Variants in MAST4 observed in about 807,000 individuals in gnomAD.
MAST4 encodes microtubule-associated serine/threonine-protein kinase 4.
MAST4 carries 89 observed loss-of-function variants against 162.7 expected under a neutral mutation model. The ratio of observed to expected loss-of-function variants is 0.55; its 90% CI spans 0.46 to 0.65. The LOEUF is 0.65. Among genes scored for constraint, MAST4 ranks in the 30% least tolerant of loss-of-function variants. The probability of loss-of-function intolerance (pLI) is 0.00; values close to 1 mark genes in which losing one functional copy is unlikely to be tolerated. For missense variants in MAST4, 3,153 were observed against 3,374.0 expected (o/e 0.93, Z 1.62); for synonymous variants, 1,479 against 1,361.1 (o/e 1.09, Z -1.91).
intron 3 of MAST4, among the ~76,000 whole-genome samples, chr5:66,834,519 G>A (rs75133495): frequency 0.011 from 1,677 of 152,314 alleles, 33 homozygotes; most frequent in African/African-American, 0.038. Flanking sequence ...CCAGCATGGG[G>A]TGGAGAGTAG....
chr5:66,854,326 A>C (rs1029806419), intron 3 of MAST4, among the ~76,000 whole-genome samples: 1 of 152,214 alleles, frequency 6.6e-6, no homozygotes, highest in African/African-American at 2.4e-5. Context: ...CTGGTTATCT[A>C]TGGAGTTGTG....
At chr5:66,688,440 C>T (rs1748832416) in intron 1 of MAST4, among the ~76,000 whole-genome samples, 1 of 152,168 alleles carries the variant, frequency 6.6e-6, no homozygotes, top group South Asian at 2.1e-4. Flanking sequence ...TGAACTGAGC[C>T]TTATTAGGCA....
chr5:66,607,139 T>A (rs1238403090), intron 1 of MAST4, among the ~76,000 whole-genome samples: 1 of 152,036 alleles, frequency 6.6e-6, no homozygotes, highest in Non-Finnish European at 1.5e-5. Flanking sequence ...TTTGAGGAGA[T>A]CATCAAGCCT....
intron 3 of MAST4, among the ~76,000 whole-genome samples, chr5:66,852,671 T>C (rs1403836772): frequency 1.3e-5 from 2 of 152,076 alleles, no homozygotes; most frequent in South Asian, 2.1e-4. Flanking sequence ...GCTACATTTT[T>C]CCCCCAAATT....
At chr5:66,977,213 G>A (rs1748257661) in intron 4 of MAST4, among the ~76,000 whole-genome samples, 1 of 152,130 alleles carries the variant, frequency 6.6e-6, no homozygotes, top group Non-Finnish European at 1.5e-5. Context: ...CGATTCTTCT[G>A]CCCCAGCCTC....
chr5:66,718,322 TATG>T (rs1410583304), intron 1 of MAST4, among the ~76,000 whole-genome samples: 1 of 152,120 alleles, frequency 6.6e-6, no homozygotes, highest in Non-Finnish European at 1.5e-5. Context: ...ATGATTAAGT[TATG>T]ATGTCATCTT....
chr5:67,120,915 C>T (rs904492196), intron 13 of MAST4, 102 bp from the exon 14 acceptor site: 15 of 822,758 alleles, frequency 1.8e-5, no homozygotes, highest in Non-Finnish European at 2.9e-5. Context: ...TGTACTTCAA[C>T]ATATTACATA....
At position 67,165,479 on chromosome 5, in the gene MAST4, G is replaced by C. The variant is rs780578092; in HGVS notation, c.6300G>C (p.Glu2100Asp). The stretch of plus-strand genomic sequence containing the variant: ...TGCAGCCACCTGGAATTGAGAGTGA[G>C]AAGAGTGAAAAGCTCTCCAGTTTCC... ...RSLQPPGIES[E>D]KSEKLSSFPS... Residue 2100 changes from glutamate (E) to aspartate (D), a missense_variant, in exon 29 of 29, where the codon GAG becomes GAC. This residue lies in a region of MAST4 where 1,644 missense variants were observed against 1,495.0 expected (regional missense o/e 1.10). Transcript: ENST00000403625. 6.2e-7 allele frequency: 1 copy of C among 1,613,966 alleles called. No homozygotes were observed.
rs1774112115 is a variant in MAST4 at position 67,166,976 on chromosome 5, T to C, written c.7797T>C (p.Asn2599=). The C allele has an allele frequency of 6.2e-7, 1 of 1,612,498 alleles. No individual in the cohort carries two copies. The highest frequency in any genetic ancestry group is 2.2e-5 in the East Asian group (1 of 44,862). ...CTGACCGCCCCATCTCTCTTTCTAA[T>C]GAGAAGGACTTTGTGGTACGGCAGA... ...PNTDRPISLS[N]EKDFVVRQRR... is the part of the protein sequence containing the mutation. Residue 2599 remains asparagine (N), a synonymous_variant, in exon 29 of 29, where the codon AAT becomes AAC. Coordinates refer to ENST00000403625, the MANE Select transcript of MAST4 (RefSeq NM_001164664.2).
At chr5:66,803,037 C>G (rs1335543634) in intron 3 of MAST4, among the ~76,000 whole-genome samples, 1 of 152,158 alleles carries the variant, frequency 6.6e-6, no homozygotes, top group African/African-American at 2.4e-5. Flanking sequence ...AATTCTAGTA[C>G]TGACGTTTCT....
chr5:66,881,843 G>A (rs537644549), intron 3 of MAST4, among the ~76,000 whole-genome samples: 22 of 152,044 alleles, frequency 1.4e-4, no homozygotes, highest in Non-Finnish European at 2.2e-4. Flanking sequence ...CCCCTTACCC[G>A]TCAGGCAAAA....
At chr5:66,897,301 G>C (rs191110109) in intron 3 of MAST4, among the ~76,000 whole-genome samples, 15 of 152,096 alleles carry the variant, frequency 9.9e-5, no homozygotes, top group African/African-American at 3.6e-4. Context: ...CTAAGTATGT[G>C]TTAGTGACCT....
Position 67,142,461 on chromosome 5 carries a change from A to C in MAST4, c.2658A>C (p.Glu886Asp), listed in dbSNP as rs377161779. The change falls in exon 21 of 29, where the codon GAA (glutamate) becomes GAC (aspartate). Residue 886 changes from glutamate (E) to aspartate (D), a missense_variant. By Grantham distance (45) the Glu-to-Asp change is conservative. Around this residue, in one of 7 missense-constraint regions of MAST4, gnomAD observed 619 missense variants for 744.2 expected, o/e 0.83. Coordinates refer to ENST00000403625, the MANE Select transcript of MAST4 (RefSeq NM_001164664.2). ...EKYHHMETEE[E>D]DDTNDEDFNV... ...ATCATCATATGGAAACGGAGGAAGA[A>C]GATGACACAAATGATGAAGACTTTA... 4.1e-5 allele frequency: 66 copies of C among 1,601,274 alleles called. No homozygotes were observed. Among genetic ancestry groups the C allele is most frequent in the Non-Finnish European group, 5.5e-5 (64 of 1,173,490 alleles).
chr5:67,043,318 T>C (rs901909386), intron 4 of MAST4, among the ~76,000 whole-genome samples: 10 of 152,210 alleles, frequency 6.6e-5, no homozygotes, highest in African/African-American at 2.4e-4. Context: ...TTAGTTGCTA[T>C]GTGTATATTC....
intron 3 of MAST4, among the ~76,000 whole-genome samples, chr5:66,834,807 C>G (rs966252983): frequency 1.3e-5 from 2 of 152,190 alleles, no homozygotes; most frequent in Admixed American, 1.3e-4. Flanking sequence ...TCATCGCCTT[C>G]CATTTTAGTA....
intron 15 of MAST4, 80 bp from the exon 16 acceptor site, chr5:67,131,733 C>A: frequency 6.9e-7 from 1 of 1,441,884 alleles, no homozygotes; most frequent in Non-Finnish European, 9.6e-7. Context: ...ATGATTTCAC[C>A]TTGAAATTCT....
At chr5:66,862,752 T>C (rs952243665) in intron 3 of MAST4, among the ~76,000 whole-genome samples, 1 of 152,232 alleles carries the variant, frequency 6.6e-6, no homozygotes, top group Non-Finnish European at 1.5e-5. Context: ...TTTTTGATCT[T>C]TGTCAAATTG....
At chr5:66,904,237 G>T (rs2149990972) in intron 4 of MAST4, among the ~76,000 whole-genome samples, 1 of 152,238 alleles carries the variant, frequency 6.6e-6, no homozygotes, top group East Asian at 1.9e-4. Flanking sequence ...CAAAACCAAG[G>T]TGTCCCTGGC....
At chr5:67,094,867 A>G (rs1444413283) in intron 6 of MAST4, among the ~76,000 whole-genome samples, 4 of 152,118 alleles carry the variant, frequency 2.6e-5, no homozygotes, top group South Asian at 2.1e-4. Flanking sequence ...GAGGCAAACA[A>G]CTTTACTCTT....
Sources: gnomAD v4.1 joint callset for allele counts (sites outside exome capture counted in the v4.1 genomes callset) on GRCh38, gnomAD v4.1.1 for gene constraint, gnomAD v4.1.1 regional missense constraint, MANE v1.5 for transcripts, NCBI Gene and HGNC (gene_info 2026-07-23, HGNC 2026-07-21) for gene names.